RSRC1: variants seen among roughly 807,000 people sequenced by gnomAD.
RSRC1 encodes the protein serine/Arginine-related protein 53.
A neutral mutation model predicts 49.1 loss-of-function variants in RSRC1; 39 were observed. That is an observed-to-expected ratio of 0.79 (90% CI 0.61 to 1.04). The LOEUF (loss-of-function observed/expected upper bound fraction) is 1.04, where lower values mean the gene tolerates loss of function less well. Among genes scored for constraint, RSRC1 ranks in the 50% least tolerant of loss-of-function variants. RSRC1 has a pLI of 0.00. For missense variants in RSRC1, 388 were observed against 402.4 expected, an observed-to-expected ratio of 0.96 and a Z score of 0.31; for synonymous variants, 143 against 130.8, an observed-to-expected ratio of 1.09 and a Z score of -0.63.
intron 6 of RSRC1, among the ~76,000 whole-genome samples, chr3:158,439,779 G>A (rs996479238): frequency 9.2e-5 from 14 of 151,960 alleles, no homozygotes; most frequent in South Asian, 4.2e-4. Context: ...AAACCTGCAC[G>A]TTGTGCACAT....
chr3:158,429,586 A>G (rs1017071453), intron 6 of RSRC1, among the ~76,000 whole-genome samples: 1 of 148,508 alleles, frequency 6.7e-6, no homozygotes, highest in African/African-American at 2.5e-5. Flanking sequence ...CTAAAAATAT[A>G]TAGTAACTTT....
At chr3:158,428,662 C>A (rs1402338606) in intron 6 of RSRC1, among the ~76,000 whole-genome samples, 1 of 151,832 alleles carries the variant, frequency 6.6e-6, no homozygotes, top group Non-Finnish European at 1.5e-5. Context: ...TGGCACATAA[C>A]GTGTATTATA....
At chr3:158,227,969 TC>T (rs1722620257) in intron 4 of RSRC1, among the ~76,000 whole-genome samples, 1 of 152,166 alleles carries the variant, frequency 6.6e-6, no homozygotes, top group East Asian at 1.9e-4. Context: ...AGAATAGTGC[TC>T]TCCAAAATGA....
chr3:158,358,613 C>T (rs1731289565), intron 6 of RSRC1, among the ~76,000 whole-genome samples: 1 of 152,154 alleles, frequency 6.6e-6, no homozygotes, highest in South Asian at 2.1e-4. Context: ...ATTTACATAA[C>T]ATAAAATTAA....
intron 3 of RSRC1, among the ~76,000 whole-genome samples, chr3:158,134,495 C>T (rs1013428308): frequency 4.6e-5 from 7 of 152,158 alleles, no homozygotes; most frequent in African/African-American, 1.7e-4. Context: ...AAGTGAAAAT[C>T]TGCATTGCAT....
chr3:158,266,299 T>C (rs1182187119), intron 4 of RSRC1, among the ~76,000 whole-genome samples: 1 of 152,178 alleles, frequency 6.6e-6, no homozygotes, highest in Non-Finnish European at 1.5e-5. Flanking sequence ...AGGAGGAAAC[T>C]TGATTATTAA....
chr3:158,224,701 C>T (rs1722425539), intron 4 of RSRC1, among the ~76,000 whole-genome samples: 1 of 151,766 alleles, frequency 6.6e-6, no homozygotes, highest in African/African-American at 2.4e-5. Context: ...ATTGGATTAA[C>T]TCTAATTGTT....
At chr3:158,481,737 CAA>C (rs1237926435) in intron 7 of RSRC1, among the ~76,000 whole-genome samples, 1 of 152,014 alleles carries the variant, frequency 6.6e-6, no homozygotes, top group African/African-American at 2.4e-5. Context: ...TGTATACAAA[CAA>C]ATGTTGAAAG....
chr3:158,519,483 G>A (rs1711541527), intron 7 of RSRC1, among the ~76,000 whole-genome samples: 2 of 151,490 alleles, frequency 1.3e-5, no homozygotes, highest in Admixed American at 1.3e-4. Flanking sequence ...GGAGGGACTT[G>A]CCACCCAAAG....
intron 3 of RSRC1, among the ~76,000 whole-genome samples, chr3:158,186,317 A>C (rs1719929172): frequency 6.6e-6 from 1 of 151,986 alleles, no homozygotes. Flanking sequence ...GAAACTAATT[A>C]TGCTTATGGA....
Position 158,320,733 on chromosome 3 carries a change from C to T in RSRC1, c.531+22658C>T, listed in dbSNP as rs149430540. Among the ~76,000 whole-genome samples, 31 of 152,296 alleles carry T rather than the reference C, an allele frequency of 2.0e-4. No homozygotes were observed. The East Asian group carries it at 6.0e-3, about 29-fold the overall frequency. ...AAGAGTAGGGGACTTCCAGCTCATA[C>T]AATCATCTTGCTGTTTTCTGCCTTC... On this transcript the variant is annotated intron_variant, in intron 5 of 9. Coordinates refer to ENST00000611884, the MANE Select transcript of RSRC1 (RefSeq NM_001271838.2).
intron 6 of RSRC1, among the ~76,000 whole-genome samples, chr3:158,366,874 G>A (rs966175676): frequency 7.2e-5 from 11 of 152,094 alleles, no homozygotes; most frequent in Admixed American, 5.2e-4. Context: ...TCCCTTGTAA[G>A]TTGGATTCCT....
At chr3:158,207,662 T>TAGGTAGATAGATAGATAGAC (rs1721419488) in intron 4 of RSRC1, among the ~76,000 whole-genome samples, 1 of 148,948 alleles carries the variant, frequency 6.7e-6, no homozygotes. Flanking sequence ...GATAGATAGA[T>TAGGTAGATAGATAGATAGAC]AGACAGAGAG....
At chr3:158,501,078 G>A (rs535925599) in intron 7 of RSRC1, among the ~76,000 whole-genome samples, 14 of 152,140 alleles carry the variant, frequency 9.2e-5, no homozygotes, top group East Asian at 1.9e-4. Context: ...CATTCAGTTC[G>A]AAGAATTTTT....
At chr3:158,164,591 T>C (rs1024212475) in intron 3 of RSRC1, among the ~76,000 whole-genome samples, 1 of 152,164 alleles carries the variant, frequency 6.6e-6, no homozygotes, top group Non-Finnish European at 1.5e-5. Flanking sequence ...ATTATATTTC[T>C]GTTTTTAAAA....
chr3:158,159,183 A>G (rs1252072182), intron 3 of RSRC1, among the ~76,000 whole-genome samples: 1 of 152,110 alleles, frequency 6.6e-6, no homozygotes, highest in African/African-American at 2.4e-5. Context: ...TTAGAGTGAT[A>G]CAAAGGAAGG....
intron 4 of RSRC1, among the ~76,000 whole-genome samples, chr3:158,293,231 T>G (rs539381194): frequency 6.6e-6 from 1 of 152,250 alleles, no homozygotes; most frequent in Admixed American, 6.5e-5. Flanking sequence ...AGTCCCTGAC[T>G]CTCATATATG....
At chr3:158,378,889 G>C (rs538620812) in intron 6 of RSRC1, among the ~76,000 whole-genome samples, 8 of 152,278 alleles carry the variant, frequency 5.3e-5, no homozygotes, top group Non-Finnish European at 1.0e-4. Flanking sequence ...CCAAGTTTCA[G>C]CTTCCCTCCA....
intron 7 of RSRC1, among the ~76,000 whole-genome samples, chr3:158,510,671 T>G (rs2108472630): frequency 6.6e-6 from 1 of 152,324 alleles, no homozygotes; most frequent in South Asian, 2.1e-4. Flanking sequence ...ATTATACTTT[T>G]TAAGCTATTT....
Sources: gnomAD v4.1 joint callset for allele counts (sites outside exome capture counted in the v4.1 genomes callset) on GRCh38, gnomAD v4.1.1 for gene constraint, MANE v1.5 for transcripts, NCBI Gene and HGNC (gene_info 2026-07-23, HGNC 2026-07-21) for gene names.